RANBP17: variants seen among roughly 807,000 people sequenced by gnomAD.
RANBP17 encodes RAN binding protein 17.
RANBP17 carries 158 observed loss-of-function variants against 141.2 expected under a neutral mutation model. The observed-to-expected ratio is 1.12, with a 90% CI of 0.98 to 1.28. RANBP17 has a LOEUF of 1.28. Among genes scored for constraint, RANBP17 ranks in the 50% most tolerant of loss-of-function variants. The probability of loss-of-function intolerance (pLI) is 0.00; values close to 1 mark genes in which losing one functional copy is unlikely to be tolerated. For missense variants in RANBP17, 1,438 were observed against 1,290.7 expected (o/e 1.11, Z -1.75); for synonymous variants, 430 against 450.0 (o/e 0.96, Z 0.56).
At chr5:171,251,642 G>A (rs1048629574) in intron 24 of RANBP17, among the ~76,000 whole-genome samples, 2 of 152,168 alleles carry the variant, frequency 1.3e-5, no homozygotes, top group Non-Finnish European at 2.9e-5. Flanking sequence ...GAAGTTTATA[G>A]GCTTGAGCGC....
chr5:171,044,886 T>C (rs1047188678), intron 14 of RANBP17, among the ~76,000 whole-genome samples: 9 of 152,200 alleles, frequency 5.9e-5, no homozygotes, highest in Non-Finnish European at 1.3e-4. Flanking sequence ...GTTTTAATTG[T>C]GGAGTGCTGG....
chr5:171,298,605 G>C (rs916806920), intron 27 of RANBP17, among the ~76,000 whole-genome samples, 157 bp from the exon 28 acceptor site: 5 of 152,220 alleles, frequency 3.3e-5, no homozygotes, highest in Non-Finnish European at 5.9e-5. Flanking sequence ...CAGCAATGGC[G>C]GTGAAAGTGG....
chr5:170,912,698 G>A (rs1771627656), intron 7 of RANBP17, among the ~76,000 whole-genome samples: 1 of 90,432 alleles, frequency 1.1e-5, no homozygotes, highest in Admixed American at 1.2e-4. Flanking sequence ...ATGTTTGATA[G>A]GAGGAAAAAA....
At position 171,170,211 on chromosome 5, in the gene RANBP17, C is replaced by T. The variant is rs1304476484; in HGVS notation, c.1784+8C>T. On this transcript the variant is annotated splice_region_variant and intron_variant, in intron 15 of 27. Coordinates refer to ENST00000523189, the MANE Select transcript of RANBP17 (RefSeq NM_022897.5). Reference sequence around the variant, plus strand: ...GACGTTCATGACAAAAATGTGAGTTCTTGTTTTGGTCTTTAATTTTTCTTT... The same window carrying T: ...GACGTTCATGACAAAAATGTGAGTTTTTGTTTTGGTCTTTAATTTTTCTTT... 6.6e-7 allele frequency: 1 copy of T among 1,513,650 alleles called. No individual in the cohort carries two copies. Among genetic ancestry groups the T allele is most frequent in the South Asian group, 1.3e-5 (1 of 76,874 alleles). 93.8% of individuals were successfully genotyped at this position (1,513,650 alleles called of 1,614,324 possible).
chr5:171,078,156 C>T lies in RANBP17; in HGVS notation c.1711-91974C>T, dbSNP rs147197723. Among the ~76,000 whole-genome samples the T allele has an allele frequency of 2.0e-3, 261 of 132,708 alleles. 1 individual carries two copies. The highest frequency in any genetic ancestry group is 6.5e-3 in the African/African-American group (232 of 35,666). 87.1% of individuals were successfully genotyped at this position (132,708 alleles called of 152,430 possible). On this transcript the variant is annotated intron_variant, in intron 14 of 27. Transcript: ENST00000523189. The stretch of plus-strand genomic sequence containing the variant: ...TTTCTTTTTTTTTTTTTTTTTGAGA[C>T]TGAGTCTCACTGTACCGCACAGGCT...
At chr5:171,295,342 C>T (rs905490357) in intron 26 of RANBP17, among the ~76,000 whole-genome samples, 17 of 152,182 alleles carry the variant, frequency 1.1e-4, no homozygotes, top group African/African-American at 2.7e-4. Context: ...AACTAAAGCA[C>T]GCCCCTCTAG....
intron 25 of RANBP17, among the ~76,000 whole-genome samples, chr5:171,282,454 ATGT>A (rs11269694): frequency 0.018 from 2,623 of 149,534 alleles, 58 homozygotes; most frequent in African/African-American, 0.052. Context: ...AGAAAGCTGC[ATGT>A]TGTTGTTGTT....
intron 14 of RANBP17, among the ~76,000 whole-genome samples, chr5:170,992,312 AAAT>A (rs1204430069): frequency 1.3e-5 from 2 of 152,002 alleles, no homozygotes; most frequent in Non-Finnish European, 2.9e-5. Context: ...CAGTAAAATA[AAAT>A]AATAATATTC....
At chr5:171,086,400 A>G (rs1057110545) in intron 14 of RANBP17, among the ~76,000 whole-genome samples, 1 of 152,042 alleles carries the variant, frequency 6.6e-6, no homozygotes, top group Admixed American at 6.6e-5. Context: ...ATCAATGTTC[A>G]TCAAGGATAT....
chr5:170,932,385 T>C (rs1208678383), intron 12 of RANBP17, among the ~76,000 whole-genome samples: 2 of 152,188 alleles, frequency 1.3e-5, no homozygotes, highest in Non-Finnish European at 2.9e-5. Context: ...TTTTCCTAAT[T>C]GAATACCCTT....
intron 14 of RANBP17, among the ~76,000 whole-genome samples, chr5:171,011,900 G>A (rs1035563520): frequency 1.3e-5 from 2 of 151,580 alleles, no homozygotes; most frequent in Admixed American, 1.3e-4. Context: ...ATCTAACATC[G>A]TTTTGCTACC....
intron 5 of RANBP17, among the ~76,000 whole-genome samples, chr5:170,900,784 T>C (rs1770568950): frequency 6.6e-6 from 1 of 152,220 alleles, no homozygotes; most frequent in Admixed American, 6.5e-5. Flanking sequence ...CAGTAGTCAT[T>C]CAGGAGCAGG....
At chr5:171,126,753 A>G (rs1285215894) in intron 14 of RANBP17, among the ~76,000 whole-genome samples, 2 of 152,186 alleles carry the variant, frequency 1.3e-5, no homozygotes, top group African/African-American at 4.8e-5. Flanking sequence ...TACACATACA[A>G]CTTACCAAAA....
At position 170,925,237 on chromosome 5, in the gene RANBP17, T is replaced by C. The variant is rs141635372; in HGVS notation, c.1468+687T>C. Among the ~76,000 whole-genome samples the C allele has an allele frequency of 2.5e-3, 383 of 152,302 alleles. 5 individuals are homozygous for C. Among genetic ancestry groups the C allele is most frequent in the African/African-American group, 7.7e-3 (321 of 41,586 alleles). Reference sequence around the variant, plus strand: ...TCATAATCAAATTTACTTCCAGTGATTTCCCATTTTAACTTAAAAAAATTT... The same window carrying C: ...TCATAATCAAATTTACTTCCAGTGACTTCCCATTTTAACTTAAAAAAATTT... On this transcript the variant is annotated intron_variant, in intron 12 of 27. Coordinates refer to ENST00000523189, the MANE Select transcript of RANBP17 (RefSeq NM_022897.5).
chr5:171,178,790 C>T (rs561191360), intron 16 of RANBP17, among the ~76,000 whole-genome samples: 2 of 152,234 alleles, frequency 1.3e-5, no homozygotes, highest in South Asian at 4.1e-4. Context: ...AGCTTTTTTT[C>T]ATATGGTTGT....
intron 3 of RANBP17, among the ~76,000 whole-genome samples, chr5:170,891,472 G>T (rs1769592633): frequency 6.6e-6 from 1 of 152,122 alleles, no homozygotes; most frequent in Non-Finnish European, 1.5e-5. Flanking sequence ...TGTTCAGTTG[G>T]CCTGTATATT....
chr5:170,888,144 A>AT (rs1312958776), intron 3 of RANBP17, among the ~76,000 whole-genome samples: 43 of 152,136 alleles, frequency 2.8e-4, no homozygotes, highest in African/African-American at 9.2e-4. Flanking sequence ...CTTCTTCGGT[A>AT]TTGTGTTGGC....
chr5:170,997,236 G>A (rs1391485717), intron 14 of RANBP17, among the ~76,000 whole-genome samples: 2 of 152,150 alleles, frequency 1.3e-5, no homozygotes, highest in Non-Finnish European at 2.9e-5. Context: ...TGCAGAACTG[G>A]GAGTCAATTA....
intron 12 of RANBP17, among the ~76,000 whole-genome samples, chr5:170,951,394 G>T (rs948808649): frequency 6.6e-6 from 1 of 151,952 alleles, no homozygotes; most frequent in Admixed American, 6.6e-5. Context: ...TACAAACAAT[G>T]GAATGTTATT....
Sources: gnomAD v4.1 joint callset for allele counts (sites outside exome capture counted in the v4.1 genomes callset) on GRCh38, gnomAD v4.1.1 for gene constraint, MANE v1.5 for transcripts, NCBI Gene and HGNC (gene_info 2026-07-23, HGNC 2026-07-21) for gene names.